ATRNL1: variants seen among roughly 807,000 people sequenced by gnomAD.
The protein encoded by ATRNL1 is attractin-like protein 1.
Under a neutral mutation model 182.7 loss-of-function variants are expected in ATRNL1, and 95 were observed. That is an observed-to-expected ratio of 0.52 (90% confidence interval 0.44 to 0.62). The LOEUF (loss-of-function observed/expected upper bound fraction) is 0.62, where lower values mean the gene tolerates loss of function less well. Among genes scored for constraint, ATRNL1 ranks in the 20% least tolerant of loss-of-function variants. The probability of loss-of-function intolerance (pLI) is 0.00; values close to 1 mark genes in which losing one functional copy is unlikely to be tolerated. For missense variants in ATRNL1, 1,471 were observed against 1,679.5 expected, an observed-to-expected ratio of 0.88 and a Z score of 2.17; for synonymous variants, 576 against 568.3, an observed-to-expected ratio of 1.01 and a Z score of -0.19.
At chr10:115,397,617 A>T (rs1349691086) in intron 20 of ATRNL1, among the ~76,000 whole-genome samples, 1 of 152,002 alleles carries the variant, frequency 6.6e-6, no homozygotes, top group Non-Finnish European at 1.5e-5. Flanking sequence ...TTGGTTGGAT[A>T]AGAAAAATTT....
intron 5 of ATRNL1, among the ~76,000 whole-genome samples, chr10:115,145,392 T>C (rs186290744): frequency 1.8e-4 from 28 of 152,250 alleles, no homozygotes; most frequent in African/African-American, 6.7e-4. Context: ...AGAGGGCAAT[T>C]TGTTTCCATG....
At chr10:115,659,146 A>G (rs1225840220) in intron 26 of ATRNL1, among the ~76,000 whole-genome samples, 1 of 152,038 alleles carries the variant, frequency 6.6e-6, no homozygotes, top group African/African-American at 2.4e-5. Flanking sequence ...ACATATCACC[A>G]TCTCTACACA....
At chr10:115,534,543 G>A (rs1554989576) in intron 25 of ATRNL1, among the ~76,000 whole-genome samples, 1 of 152,388 alleles carries the variant, frequency 6.6e-6, no homozygotes, top group Admixed American at 6.5e-5. Context: ...AACTGTATGG[G>A]TCTTGACTCT....
intron 18 of ATRNL1, among the ~76,000 whole-genome samples, chr10:115,331,999 T>C (rs560740906): frequency 6.6e-6 from 1 of 152,342 alleles, no homozygotes. Context: ...TGCCAAGTTC[T>C]CTGTGCTGCC....
chr10:115,275,770 C>T (rs898858718), intron 13 of ATRNL1, among the ~76,000 whole-genome samples: 4 of 152,152 alleles, frequency 2.6e-5, no homozygotes, highest in Admixed American at 6.5e-5. Flanking sequence ...TGGACCCTCT[C>T]AGTGAGGGTG....
chr10:115,936,546 C>G (rs1343761142), intron 28 of ATRNL1, among the ~76,000 whole-genome samples: 5 of 152,104 alleles, frequency 3.3e-5, no homozygotes, highest in African/African-American at 1.2e-4. Flanking sequence ...TTGGTAGTAA[C>G]AGATTATTAT....
At chr10:115,274,030 A>G (rs1406427756) in intron 13 of ATRNL1, among the ~76,000 whole-genome samples, 1 of 152,158 alleles carries the variant, frequency 6.6e-6, no homozygotes, top group Non-Finnish European at 1.5e-5. Flanking sequence ...GCAGACTAAG[A>G]GCTGTTTCTG....
At position 115,801,930 on chromosome 10, in the gene ATRNL1, T is replaced by C. The variant is rs114420518; in HGVS notation, c.3904-45947T>C. On this transcript the variant is annotated intron_variant, in intron 27 of 28. Transcript: ENST00000355044. ...CTTCCAAACTTAAATTATTATGTAG[T>C]GTCTTAACCAATGTTAAGACATTAG... is the stretch of plus-strand genomic sequence containing the variant. Among the ~76,000 whole-genome samples, 687 of 151,858 alleles carry C rather than the reference T, an allele frequency of 4.5e-3. 11 individuals are homozygous for C. The highest frequency in any genetic ancestry group is 0.015 in the African/African-American group (641 of 41,404).
At position 115,301,981 on chromosome 10, in the gene ATRNL1, A is replaced by G. The variant is rs782317692; in HGVS notation, c.2756A>G (p.Asn919Ser). ...CSSTKRCVDS[N>S]AYIISFPYGQ... ...AGTACGAAACGATGTGTTGACTCTA[A>G]TGCCTATATCATCTCTTTTCCATAT... is the stretch of plus-strand genomic sequence containing the variant. Residue 919 changes from asparagine to serine, a missense_variant, in exon 17 of 29, where the codon AAT becomes AGT. Asn to Ser is a conservative substitution (Grantham distance 46). Transcript: ENST00000355044. 6.2e-7 allele frequency: 1 copy of G among 1,614,060 alleles called. No homozygotes were observed. The highest frequency in any genetic ancestry group is 1.1e-5 in the South Asian group (1 of 91,084).
At chr10:115,895,866 G>C (rs1297489598) in intron 28 of ATRNL1, among the ~76,000 whole-genome samples, 1 of 152,230 alleles carries the variant, frequency 6.6e-6, no homozygotes, top group Non-Finnish European at 1.5e-5. Context: ...CAAGGAATTT[G>C]CCAAGTGGTT....
Position 115,099,677 on chromosome 10 carries a change from G to T in ATRNL1, c.293+5634G>T, listed in dbSNP as rs1354291997. 3.3e-5 allele frequency among the ~76,000 whole-genome samples: 5 copies of T among 151,968 alleles called. 1 individual carries two copies. The South Asian group carries it at 6.2e-4, about 19-fold the overall frequency. Reference sequence around the variant, plus strand: ...TATTGGGTTTTAGTTTGCATTTCCCGAATTACTAATGATATTGAGTATCTT... The same window carrying T: ...TATTGGGTTTTAGTTTGCATTTCCCTAATTACTAATGATATTGAGTATCTT... On this transcript the variant is annotated intron_variant, in intron 1 of 28. Transcript: ENST00000355044.
chr10:115,798,974 G>A (rs560094833), intron 27 of ATRNL1, among the ~76,000 whole-genome samples: 5 of 151,876 alleles, frequency 3.3e-5, no homozygotes, highest in East Asian at 3.9e-4. Flanking sequence ...CGACAGGCAC[G>A]TGCCACCATG....
chr10:115,938,034 C>G (rs1953614576), intron 28 of ATRNL1, among the ~76,000 whole-genome samples: 1 of 152,286 alleles, frequency 6.6e-6, no homozygotes, highest in African/African-American at 2.4e-5. Flanking sequence ...ACACAGACTT[C>G]AGAGGAGAGC....
chr10:115,332,117 A>G (rs547059742), intron 18 of ATRNL1, among the ~76,000 whole-genome samples: 2 of 152,278 alleles, frequency 1.3e-5, no homozygotes, highest in East Asian at 3.9e-4. Flanking sequence ...ATCTCCCATG[A>G]AGGGATTCAG....
At chr10:115,340,476 C>CTT (rs1430940795) in intron 19 of ATRNL1, among the ~76,000 whole-genome samples, 3 of 95,126 alleles carry the variant, frequency 3.2e-5, no homozygotes, top group African/African-American at 1.2e-4. Flanking sequence ...CTTTTCTTTT[C>CTT]TTTTTTTTTT....
At chr10:115,365,241 A>T (rs1260842748) in intron 19 of ATRNL1, among the ~76,000 whole-genome samples, 39 of 152,138 alleles carry the variant, frequency 2.6e-4, no homozygotes, top group Admixed American at 7.9e-4. Context: ...TTCCTGGTTT[A>T]GTCTTGGGAG....
intron 26 of ATRNL1, among the ~76,000 whole-genome samples, chr10:115,567,577 T>A (rs1854143687): frequency 6.6e-6 from 1 of 152,136 alleles, no homozygotes; most frequent in African/African-American, 2.4e-5. Context: ...TTAAGATTCA[T>A]TTCACTTTTG....
rs1849204616 is a variant in ATRNL1, at chr10:115,215,711, C to T, written c.1363C>T (p.Leu455Phe). The change falls in exon 9 of 29, where the codon CTT (leucine) becomes TTT (phenylalanine). Residue 455 changes from leucine (L) to phenylalanine (F), a missense_variant. Physicochemically the swap from Leu to Phe is conservative, Grantham distance 22. Transcript: ENST00000355044. ...QEYHISSNTW[L>F]VPETKGAIVQ... ...TTCTGTTACAGCATCAAACACTTGG[C>T]TTGTTCCAGAAACTAAAGGAGCTAT... The T allele has an allele frequency of 1.9e-6, 3 of 1,594,480 alleles. No individual in the cohort carries two copies. The highest frequency in any genetic ancestry group is 1.4e-5 in the African/African-American group (1 of 73,904).
At chr10:115,447,807 A>T (rs2134470614) in intron 21 of ATRNL1, among the ~76,000 whole-genome samples, 1 of 152,094 alleles carries the variant, frequency 6.6e-6, no homozygotes, top group Middle Eastern at 3.6e-3. Flanking sequence ...TTGTAGATTT[A>T]TTAGATTTTT....
Sources: allele counts gnomAD v4.1 joint callset (sites outside exome capture counted in the v4.1 genomes callset), GRCh38; gene constraint gnomAD v4.1.1; transcripts MANE v1.5; gene names NCBI Gene and HGNC (gene_info 2026-07-23, HGNC 2026-07-21).